The following CEP55 variants were observed in gnomAD, a reference collection of about 807,000 sequenced individuals.
The protein encoded by CEP55 is centrosomal protein of 55 kDa.
CEP55 carries 57 observed loss-of-function variants against 63.2 expected under a neutral mutation model. That is an observed-to-expected ratio of 0.90 (90% CI 0.73 to 1.13). The LOEUF (loss-of-function observed/expected upper bound fraction) is 1.13. CEP55 is among the 50% of genes most tolerant of loss of function. The pLI is 0.00. For missense variants in CEP55, 456 were observed against 518.9 expected, an observed-to-expected ratio of 0.88 and a Z score of 1.18; for synonymous variants, 178 against 191.6, an observed-to-expected ratio of 0.93 and a Z score of 0.59.
At chr10:93,505,222 T>A (rs2057676664) in intron 3 of CEP55, among the ~76,000 whole-genome samples, 1 of 152,236 alleles carries the variant, frequency 6.6e-6, no homozygotes, top group African/African-American at 2.4e-5. Flanking sequence ...CAAATGTCAG[T>A]GTCTTATGCA....
Position 93,527,950 on chromosome 10 carries a change from A to T in CEP55, c.1192A>T (p.Lys398Ter), listed in dbSNP as rs1302262581. The change falls in exon 9 of 9, where the codon AAA (lysine) becomes TAA (stop). Residue 398 changes from lysine to a stop codon, truncating the protein, a stop_gained and splice_region_variant. Transcript: ENST00000371485. LOFTEE classifies it high-confidence loss of function. Reference sequence around the variant, plus strand: ...CTATTATTTGAAACTTATTTTTCAGAAACAGCTTCATGAGTTTGCCATCAC... The same window carrying T: ...CTATTATTTGAAACTTATTTTTCAGTAACAGCTTCATGAGTTTGCCATCAC... ...RNQITQLESL[K>*]QLHEFAITEP... is the part of the protein sequence containing the mutation. 2 of 1,611,488 alleles carry T rather than the reference A, an allele frequency of 1.2e-6. No homozygotes were observed. Among genetic ancestry groups the T allele is most frequent in the Non-Finnish European group, 8.5e-7 (1 of 1,179,220 alleles).
intron 3 of CEP55, among the ~76,000 whole-genome samples, chr10:93,504,945 G>T (rs112283269): frequency 0.013 from 1,925 of 152,128 alleles, 45 homozygotes; most frequent in African/African-American, 0.044. Context: ...CCAAGTATTT[G>T]GGATTACAGG....
intron 4 of CEP55, 136 bp from the exon 5 acceptor site, chr10:93,515,269 T>C (rs1170888056): frequency 4.6e-6 from 3 of 657,102 alleles, no homozygotes; most frequent in South Asian, 4.6e-5. Context: ...GCATGTAACA[T>C]AGAATGGTTG....
intron 2 of CEP55, among the ~76,000 whole-genome samples, chr10:93,501,232 ACTATATTTCGGATTCC>A (rs2057632037): frequency 6.6e-6 from 1 of 152,214 alleles, no homozygotes; most frequent in Non-Finnish European, 1.5e-5. Context: ...ACTCTGTTCA[ACTATATTTCGGATTCC>A]CTAATTTATA....
At chr10:93,514,155 A>G (rs1395120390) in intron 4 of CEP55, among the ~76,000 whole-genome samples, 1 of 150,932 alleles carries the variant, frequency 6.6e-6, no homozygotes, top group Non-Finnish European at 1.5e-5. Flanking sequence ...CTGGTCTTGA[A>G]CTCCTGGCCT....
chr10:93,523,150 G>A (rs1341898966), intron 8 of CEP55, among the ~76,000 whole-genome samples: 4 of 152,108 alleles, frequency 2.6e-5, no homozygotes, highest in Non-Finnish European at 5.9e-5. Flanking sequence ...TGGCAATTTG[G>A]ATAAAGAGTC....
chr10:93,513,946 T>C (rs1236308237), intron 4 of CEP55, among the ~76,000 whole-genome samples: 77 of 143,412 alleles, frequency 5.4e-4, no homozygotes, highest in African/African-American at 1.8e-3. Flanking sequence ...AGCCTCCCCC[T>C]CCCCTTTTTT....
At chr10:93,524,802 C>A (rs1187034642) in intron 8 of CEP55, among the ~76,000 whole-genome samples, 1 of 152,118 alleles carries the variant, frequency 6.6e-6, no homozygotes, top group Non-Finnish European at 1.5e-5. Context: ...AATCAATAAA[C>A]GTAATCCAGC....
chr10:93,506,758 G>A (rs551967424), intron 3 of CEP55, among the ~76,000 whole-genome samples: 1 of 152,156 alleles, frequency 6.6e-6, no homozygotes, highest in African/African-American at 2.4e-5. Flanking sequence ...ATTTTTAGTA[G>A]AGATGGGTTT....
At chr10:93,500,623 C>G (rs916582264) in intron 2 of CEP55, among the ~76,000 whole-genome samples, 2 of 152,102 alleles carry the variant, frequency 1.3e-5, no homozygotes, top group African/African-American at 4.8e-5. Context: ...CCTATAGCTT[C>G]TTGGTAATTT....
chr10:93,513,188 G>C (rs1227501274), intron 4 of CEP55, among the ~76,000 whole-genome samples: 2 of 152,034 alleles, frequency 1.3e-5, no homozygotes, highest in African/African-American at 4.8e-5. Context: ...AGAGAAAAGT[G>C]TCTGGTAAAG....
chr10:93,521,686 G>C (rs558244490), intron 8 of CEP55, among the ~76,000 whole-genome samples: 2 of 152,094 alleles, frequency 1.3e-5, no homozygotes, highest in Non-Finnish European at 2.9e-5. Context: ...CTAACTGGGA[G>C]GCACCCCCCA....
intron 1 of CEP55, among the ~76,000 whole-genome samples, chr10:93,498,139 C>T (rs1290179634): frequency 7.5e-6 from 1 of 132,526 alleles, no homozygotes; most frequent in Admixed American, 7.1e-5. Context: ...GCCCCGCCCC[C>T]GCCAAAAAAA....
intron 4 of CEP55, among the ~76,000 whole-genome samples, chr10:93,512,450 G>GT (rs1472642998): frequency 6.1e-5 from 9 of 148,040 alleles, no homozygotes; most frequent in Admixed American, 5.5e-4. Context: ...GGAGGTGGAG[G>GT]TTGCAGTGAG....
intron 1 of CEP55, 122 bp from the exon 2 acceptor site, chr10:93,499,918 C>T (rs1424698382): frequency 3.2e-6 from 2 of 633,674 alleles, no homozygotes; most frequent in African/African-American, 1.9e-5. Flanking sequence ...CCATCTTTCT[C>T]CATACCCTGC....
At chr10:93,501,678 T>A (rs879676983) in intron 2 of CEP55, among the ~76,000 whole-genome samples, 36 of 151,866 alleles carry the variant, frequency 2.4e-4, no homozygotes, top group African/African-American at 3.1e-4. Flanking sequence ...AAAAAAAAAA[T>A]AAATAAATAA....
At chr10:93,527,521 G>T (rs2057936489) in intron 8 of CEP55, among the ~76,000 whole-genome samples, 1 of 152,106 alleles carries the variant, frequency 6.6e-6, no homozygotes, top group South Asian at 2.1e-4. Flanking sequence ...AAATTCAAAA[G>T]AAAATCTGTC....
At chr10:93,524,510 A>G (rs553818124) in intron 8 of CEP55, among the ~76,000 whole-genome samples, 1 of 152,352 alleles carries the variant, frequency 6.6e-6, no homozygotes, top group East Asian at 1.9e-4. Flanking sequence ...TACCAGAGGT[A>G]CAAGGAGGAG....
chr10:93,511,752 G>T (rs999680628), intron 4 of CEP55, among the ~76,000 whole-genome samples: 4 of 151,650 alleles, frequency 2.6e-5, no homozygotes, highest in Admixed American at 2.0e-4. Flanking sequence ...ACTGGCGCCC[G>T]CCACCATACC....
Sources: gnomAD v4.1 joint callset for allele counts (sites outside exome capture counted in the v4.1 genomes callset) on GRCh38, gnomAD v4.1.1 for gene constraint, MANE v1.5 for transcripts, NCBI Gene and HGNC (gene_info 2026-07-23, HGNC 2026-07-21) for gene names.